The following AUTS2 variants were observed in gnomAD, a reference collection of about 807,000 sequenced individuals.
AUTS2 encodes the protein autism susceptibility gene 2 protein.
AUTS2 carries 17 observed loss-of-function variants against 112.4 expected under a neutral mutation model. That is an observed-to-expected ratio of 0.15 (90% CI 0.10 to 0.23). The LOEUF is 0.23. Among genes scored for constraint, AUTS2 ranks in the 10% least tolerant of loss-of-function variants. AUTS2 has a pLI of 1.00. For missense variants in AUTS2, 1,510 were observed against 1,701.6 expected, an observed-to-expected ratio of 0.89 and a Z score of 1.98; for synonymous variants, 751 against 702.7, an observed-to-expected ratio of 1.07 and a Z score of -1.09.
chr7:70,130,413 G>A (rs1286875820), intron 3 of AUTS2, among the ~76,000 whole-genome samples: 1 of 152,132 alleles, frequency 6.6e-6, no homozygotes, highest in African/African-American at 2.4e-5. Context: ...TTCGATGATA[G>A]CTTAGTGAAG....
chr7:69,845,799 TTCCTC>T (rs1792170308), intron 1 of AUTS2, among the ~76,000 whole-genome samples: 2 of 152,146 alleles, frequency 1.3e-5, no homozygotes, highest in South Asian at 4.1e-4. Flanking sequence ...TCTGTACTCT[TTCCTC>T]TTCTCTGTTT....
intron 2 of AUTS2, among the ~76,000 whole-genome samples, chr7:70,026,417 A>G (rs1414125090): frequency 6.6e-6 from 1 of 152,066 alleles, no homozygotes; most frequent in Non-Finnish European, 1.5e-5. Flanking sequence ...TTGGCTCCTT[A>G]CAGCACACAT....
intron 4 of AUTS2, among the ~76,000 whole-genome samples, chr7:70,224,660 T>C (rs1312667129): frequency 6.6e-6 from 1 of 152,234 alleles, no homozygotes; most frequent in Non-Finnish European, 1.5e-5. Flanking sequence ...AATAATGTCC[T>C]AGGCCTTCAC....
chr7:69,881,585 T>C (rs558741219), intron 1 of AUTS2, among the ~76,000 whole-genome samples: 1 of 152,320 alleles, frequency 6.6e-6, no homozygotes, highest in African/African-American at 2.4e-5. Flanking sequence ...TTTGCCTCTC[T>C]CTGGTAGCAG....
rs367755022 is a variant in AUTS2 at position 70,771,391 on chromosome 7, C to T, written c.1735-158C>T. The T allele has an allele frequency of 7.2e-5, 38 of 527,742 alleles. No individual in the cohort carries two copies. In the South Asian group the frequency reaches 8.2e-4, roughly 11 times the overall value. The allele number at this position is 527,742 out of a possible 1,614,324, so 32.7% of individuals were successfully genotyped here. On this transcript the variant is annotated intron_variant, in intron 10 of 18. Transcript: ENST00000342771. The stretch of plus-strand genomic sequence containing the variant: ...CTTTTTAAGTTACACATTCGTGGCA[C>T]GTCTGTGTGATCATTCCATCATGGC...
intron 4 of AUTS2, among the ~76,000 whole-genome samples, chr7:70,391,482 A>G (rs1793854568): frequency 1.3e-5 from 2 of 152,196 alleles, no homozygotes; most frequent in Non-Finnish European, 2.9e-5. Flanking sequence ...TTGTGTAAGC[A>G]CAACCCGTTG....
chr7:69,876,350 ATATATATATAT>A (rs1205940204), intron 1 of AUTS2, among the ~76,000 whole-genome samples: 31 of 26,444 alleles, frequency 1.2e-3, no homozygotes, highest in African/African-American at 5.7e-3. Context: ...AAAAAAAAAA[ATATATATATAT>A]ATATATATAT....
At chr7:69,719,014 G>A (rs1368309875) in intron 1 of AUTS2, among the ~76,000 whole-genome samples, 1 of 152,146 alleles carries the variant, frequency 6.6e-6, no homozygotes, top group Non-Finnish European at 1.5e-5. Context: ...CAGGGGTTTT[G>A]CACACACATT....
intron 5 of AUTS2, among the ~76,000 whole-genome samples, chr7:70,520,893 A>G (rs148687469): frequency 1.3e-5 from 2 of 152,320 alleles, no homozygotes; most frequent in East Asian, 3.9e-4. Context: ...TTTCATTCCA[A>G]TCACTCCTGT....
At chr7:70,785,430 C>G in intron 16 of AUTS2, 1 of 480,916 alleles carries the variant, frequency 2.1e-6, no homozygotes, top group Non-Finnish European at 4.1e-6. Context: ...AGGAGTTATT[C>G]TACATCTCAC....
Position 70,792,963 on chromosome 7 carries a change from C to T in AUTS2, c.*1967C>T, listed in dbSNP as rs1320464643. 1 of 152,562 alleles carries T rather than the reference C, an allele frequency of 6.6e-6. No individual in the cohort carries two copies. The highest frequency in any genetic ancestry group is 2.4e-5 in the African/African-American group (1 of 41,408). The allele number at this position is 152,562 out of a possible 1,614,324, so 9.5% of individuals were successfully genotyped here. On this transcript the variant is annotated 3_prime_UTR_variant, in exon 19 of 19. Coordinates refer to ENST00000342771, the MANE Select transcript of AUTS2 (RefSeq NM_015570.4). ...ACCGGGCTCTTGAAAAGAAACACCTCGAACCCAGCCCGTGTAAGAACAGAA... is the reference window on the plus strand; with the variant it reads ...ACCGGGCTCTTGAAAAGAAACACCTTGAACCCAGCCCGTGTAAGAACAGAA...
At chr7:70,113,362 G>A (rs556924253) in intron 2 of AUTS2, among the ~76,000 whole-genome samples, 139 of 152,198 alleles carry the variant, frequency 9.1e-4, no homozygotes, top group African/African-American at 3.2e-3. Context: ...GAATAAAATA[G>A]TACAAATTCT....
intron 2 of AUTS2, among the ~76,000 whole-genome samples, chr7:70,002,299 G>A (rs190260561): frequency 3.9e-4 from 59 of 152,254 alleles, no homozygotes; most frequent in Middle Eastern, 3.4e-3. Context: ...GAAAAATATA[G>A]GCGGGGTGGC....
intron 2 of AUTS2, among the ~76,000 whole-genome samples, chr7:69,997,854 C>T (rs969698970): frequency 6.6e-6 from 1 of 152,136 alleles, no homozygotes; most frequent in Non-Finnish European, 1.5e-5. Context: ...ATCGTATTAC[C>T]TGCAGGTTGA....
chr7:70,622,804 C>G (rs933065812), intron 5 of AUTS2, among the ~76,000 whole-genome samples: 1 of 152,038 alleles, frequency 6.6e-6, no homozygotes. Context: ...CTTTGTGGAC[C>G]AAAAGAAAGG....
intron 4 of AUTS2, among the ~76,000 whole-genome samples, chr7:70,305,675 C>A (rs751182080): frequency 2.6e-5 from 4 of 152,128 alleles, no homozygotes; most frequent in Non-Finnish European, 5.9e-5. Flanking sequence ...TTAAAAAAAT[C>A]AAACAAACCA....
chr7:70,465,260 T>C (rs1288281179), intron 5 of AUTS2, among the ~76,000 whole-genome samples: 2 of 152,116 alleles, frequency 1.3e-5, no homozygotes, highest in African/African-American at 2.4e-5. Context: ...TATAGTGACA[T>C]GGTTTGGAGA....
At chr7:69,813,082 G>A (rs1442619169) in intron 1 of AUTS2, among the ~76,000 whole-genome samples, 2 of 152,196 alleles carry the variant, frequency 1.3e-5, no homozygotes, top group Non-Finnish European at 2.9e-5. Flanking sequence ...GCACGGTCTA[G>A]TGCCTGCTAT....
intron 5 of AUTS2, among the ~76,000 whole-genome samples, chr7:70,625,128 C>T (rs1804870663): frequency 6.6e-6 from 1 of 152,142 alleles, no homozygotes; most frequent in Non-Finnish European, 1.5e-5. Flanking sequence ...TTACAGCACT[C>T]ACCACAGTAG....
Sources: allele counts gnomAD v4.1 joint callset (sites outside exome capture counted in the v4.1 genomes callset), GRCh38; gene constraint gnomAD v4.1.1; transcripts MANE v1.5; gene names NCBI Gene and HGNC (gene_info 2026-07-23, HGNC 2026-07-21).